ZBTB20: variants seen among roughly 807,000 people sequenced by gnomAD.
The protein encoded by ZBTB20 is zinc finger and BTB domain containing 20, also known as zinc finger and BTB domain-containing protein 20.
ZBTB20 carries 9 observed loss-of-function variants against 56.9 expected under a neutral mutation model. The ratio of observed to expected loss-of-function variants is 0.16; its 90% CI spans 0.10 to 0.28. The LOEUF is 0.28. Ranked by LOEUF, ZBTB20 falls within the 10% of genes least tolerant of loss-of-function variation. The pLI is 1.00. For missense variants in ZBTB20, 655 were observed against 1,003.0 expected, an observed-to-expected ratio of 0.65 and a Z score of 4.69; for synonymous variants, 417 against 420.7, an observed-to-expected ratio of 0.99 and a Z score of 0.11.
At chr3:114,910,335 C>A (rs146452189) in intron 3 of ZBTB20, among the ~76,000 whole-genome samples, 28 of 150,542 alleles carry the variant, frequency 1.9e-4, no homozygotes, top group African/African-American at 6.9e-4. Flanking sequence ...ACACACATTA[C>A]CAGGCCCAAA....
At chr3:115,060,508 T>C (rs1260149518) in intron 2 of ZBTB20, among the ~76,000 whole-genome samples, 1 of 152,142 alleles carries the variant, frequency 6.6e-6, no homozygotes, top group East Asian at 1.9e-4. Context: ...ATTTATGTGA[T>C]TTATATTTTT....
intron 3 of ZBTB20, among the ~76,000 whole-genome samples, chr3:114,973,422 T>C (rs909566357): frequency 6.6e-6 from 1 of 152,180 alleles, no homozygotes; most frequent in African/African-American, 2.4e-5. Context: ...TTTTTTTCAG[T>C]GAGTTTGGTG....
Position 114,330,074 on chromosome 3 carries a change from G to A in ZBTB20, c.*8931C>T, listed in dbSNP as rs912738301. ...GCACCTCTTTTGTTCTTCAGATATTGAGTGGGTCAGCTAAACAAGATCACT... is the reference window on the plus strand; with the variant it reads ...GCACCTCTTTTGTTCTTCAGATATTAAGTGGGTCAGCTAAACAAGATCACT... On this transcript the variant is annotated 3_prime_UTR_variant, in exon 12 of 12. Coordinates refer to ENST00000675478, the MANE Select transcript of ZBTB20 (RefSeq NM_001348800.3). 6.6e-6 allele frequency: 1 copy of A among 152,194 alleles called. No homozygotes were observed. The highest frequency in any genetic ancestry group is 2.4e-5 in the African/African-American group (1 of 41,452). The allele number at this position is 152,194 out of a possible 1,614,324, so 9.4% of individuals were successfully genotyped here.
At chr3:114,612,309 A>T (rs2057621708) in intron 6 of ZBTB20, among the ~76,000 whole-genome samples, 1 of 152,150 alleles carries the variant, frequency 6.6e-6, no homozygotes, top group Non-Finnish European at 1.5e-5. Context: ...GCAGATTGGT[A>T]ATTTCCAGTT....
intron 5 of ZBTB20, among the ~76,000 whole-genome samples, chr3:114,700,205 A>G (rs1336541078): frequency 1.3e-5 from 2 of 152,038 alleles, no homozygotes; most frequent in Middle Eastern, 3.4e-3. Flanking sequence ...CTGACTTCAT[A>G]TTCTTCCTTC....
intron 1 of ZBTB20, among the ~76,000 whole-genome samples, chr3:115,139,156 T>C (rs939960683): frequency 7.9e-5 from 12 of 151,984 alleles, no homozygotes; most frequent in African/African-American, 2.9e-4. Context: ...TTATAAAATA[T>C]TATATGATCA....
rs1423212206 is a variant in ZBTB20 at position 114,336,760 on chromosome 3, G to T, written c.*2245C>A. The T allele has an allele frequency of 6.6e-6, 1 of 152,186 alleles. No homozygotes were observed. The highest frequency in any genetic ancestry group is 6.5e-5 in the Admixed American group (1 of 15,280). The allele number at this position is 152,186 out of a possible 1,614,324, so 9.4% of individuals were successfully genotyped here. On this transcript the variant is annotated 3_prime_UTR_variant, in exon 12 of 12. Coordinates refer to ENST00000675478, the MANE Select transcript of ZBTB20 (RefSeq NM_001348800.3). The stretch of plus-strand genomic sequence containing the variant: ...AAATAAAATGCTGACAGGAAAATTA[G>T]AAGGAAAATTAAATTAAAATGTAAT...
chr3:114,382,091 A>T (rs952086400), intron 8 of ZBTB20, among the ~76,000 whole-genome samples: 7 of 152,214 alleles, frequency 4.6e-5, no homozygotes, highest in African/African-American at 1.7e-4. Flanking sequence ...CCATATCTCT[A>T]TCACTGTTGT....
At chr3:115,022,654 C>T (rs1373621263) in intron 2 of ZBTB20, among the ~76,000 whole-genome samples, 2 of 150,976 alleles carry the variant, frequency 1.3e-5, no homozygotes, top group African/African-American at 4.8e-5. Context: ...CCTTTGCCTC[C>T]TCTACTCCCT....
At chr3:114,980,310 A>G (rs1343518616) in intron 2 of ZBTB20, among the ~76,000 whole-genome samples, 1 of 152,024 alleles carries the variant, frequency 6.6e-6, no homozygotes, top group Non-Finnish European at 1.5e-5. Context: ...GGTAAACACA[A>G]TGAACTTCTA....
intron 6 of ZBTB20, among the ~76,000 whole-genome samples, chr3:114,675,246 A>C (rs1195809366): frequency 6.7e-6 from 1 of 149,660 alleles, no homozygotes; most frequent in Non-Finnish European, 1.5e-5. Flanking sequence ...ATTGTCTGAA[A>C]GACACAGCTT....
chr3:114,910,052 A>G (rs1382255269), intron 3 of ZBTB20, among the ~76,000 whole-genome samples: 2 of 152,124 alleles, frequency 1.3e-5, no homozygotes, highest in South Asian at 2.1e-4. Flanking sequence ...TATTATAAAA[A>G]AGAAGATAGA....
At chr3:114,547,917 T>C (rs1375395612) in intron 6 of ZBTB20, among the ~76,000 whole-genome samples, 1 of 152,252 alleles carries the variant, frequency 6.6e-6, no homozygotes, top group African/African-American at 2.4e-5. Context: ...CTTAGGCCAC[T>C]GACATAACAG....
intron 6 of ZBTB20, chr3:114,582,258 G>C (rs1011200493): frequency 5.3e-5 from 8 of 152,076 alleles, no homozygotes; most frequent in African/African-American, 1.7e-4. Flanking sequence ...CTAATTCACT[G>C]TATGTAACCT....
At chr3:114,760,334 C>T (rs1165410130) in intron 5 of ZBTB20, among the ~76,000 whole-genome samples, 1 of 152,154 alleles carries the variant, frequency 6.6e-6, no homozygotes, top group African/African-American at 2.4e-5. Context: ...AAAGAGAAAA[C>T]ACACATCTCA....
intron 7 of ZBTB20, among the ~76,000 whole-genome samples, chr3:114,431,922 G>T (rs1039192160): frequency 1.3e-5 from 2 of 152,130 alleles, no homozygotes; most frequent in Admixed American, 1.3e-4. Context: ...ACAAAGGAGT[G>T]AAAAGGTAGA....
chr3:114,950,595 T>TAACATTG (rs2077032921), intron 3 of ZBTB20, among the ~76,000 whole-genome samples: 1 of 152,154 alleles, frequency 6.6e-6, no homozygotes, highest in South Asian at 2.1e-4. Context: ...ATTGGTATAA[T>TAACATTG]AACATTGAAA....
chr3:114,978,539 G>T (rs1408137305), intron 2 of ZBTB20, among the ~76,000 whole-genome samples: 1 of 151,372 alleles, frequency 6.6e-6, no homozygotes, highest in East Asian at 1.9e-4. Context: ...TTAGAAAACA[G>T]GTTATAAAAT....
In ZBTB20 at chr3:114,630,477, G is replaced by A. The variant is rs562929462; in HGVS notation, c.-295+63051C>T. ...TGTGTGTGTACACATGTGTGTGTAC[G>A]TGTGTGTGTATGGTGGGTGCTAGGG... On this transcript the variant is annotated intron_variant, in intron 6 of 11. Transcript: ENST00000675478. Among the ~76,000 whole-genome samples, 18 of 152,258 alleles carry A rather than the reference G, an allele frequency of 1.2e-4. No homozygotes were observed. The South Asian group carries it at 1.5e-3, about 12-fold the overall frequency.
Sources: allele counts gnomAD v4.1 joint callset (sites outside exome capture counted in the v4.1 genomes callset), GRCh38; gene constraint gnomAD v4.1.1; transcripts MANE v1.5; gene names NCBI Gene and HGNC (gene_info 2026-07-23, HGNC 2026-07-21).